Variants in FAAH2 observed in about 807,000 individuals in gnomAD.
FAAH2 encodes fatty-acid amide hydrolase 2.
FAAH2 carries 60 observed loss-of-function variants against 36.9 expected under a neutral mutation model. The observed-to-expected ratio is 1.63, with a 90% CI of 1.32 to 2.02. The LOEUF (loss-of-function observed/expected upper bound fraction) is 2.02, where lower values mean the gene tolerates loss of function less well. Ranked by LOEUF, FAAH2 falls within the 30% of genes most tolerant of loss-of-function variation. The pLI, the probability that FAAH2 is intolerant of heterozygous loss-of-function variation, is 0.00. For missense variants in FAAH2, 689 were observed against 397.5 expected (o/e 1.73, Z -6.23); for synonymous variants, 214 against 143.8 (o/e 1.49, Z -3.49).
the FAAH2 span, among the ~76,000 whole-genome samples, chrX:57,182,594 G>T: frequency 9.0e-6 from 1 of 111,336 alleles, no homozygotes; most frequent in African/African-American, 3.3e-5. Context: ...TCCCTCTGTT[G>T]GTGGGAGTGC....
chrX:57,435,466 AATAC>A (rs1287917053), intron 8 of FAAH2, among the ~76,000 whole-genome samples: 7 of 110,994 alleles, frequency 6.3e-5, no homozygotes, highest in Non-Finnish European at 1.1e-4. Context: ...CTTCTCTGTA[AATAC>A]ATACATAGAC....
upstream of FAAH2, among the ~76,000 whole-genome samples, chrX:57,284,067 C>T (rs1474586722): frequency 8.9e-6 from 1 of 111,760 alleles, no homozygotes; most frequent in Non-Finnish European, 1.9e-5. Flanking sequence ...AGAACATGAG[C>T]GTGGAAAAAC....
At chrX:57,476,938 G>A (rs1185609960) in intron 10 of FAAH2, among the ~76,000 whole-genome samples, 1 of 110,534 alleles carries the variant, frequency 9.0e-6, no homozygotes, top group Non-Finnish European at 1.9e-5. Flanking sequence ...GAGGGTGTAT[G>A]TGTCCAGGAA....
At chrX:57,333,172 A>G (rs2053453052) in intron 4 of FAAH2, among the ~76,000 whole-genome samples, 1 of 111,972 alleles carries the variant, frequency 8.9e-6, no homozygotes, top group Admixed American at 9.5e-5. Context: ...TTATTTAAGA[A>G]GTCTCTAGGG....
the FAAH2 span, among the ~76,000 whole-genome samples, chrX:57,224,772 C>T: frequency 8.9e-6 from 1 of 112,321 alleles, no homozygotes; most frequent in East Asian, 2.8e-4. Context: ...CCGCCTGCAC[C>T]CAGGCACTGA....
At chrX:57,462,768 T>A (rs1384920268) in intron 10 of FAAH2, among the ~76,000 whole-genome samples, 1 of 112,531 alleles carries the variant, frequency 8.9e-6, no homozygotes, top group African/African-American at 3.2e-5. Context: ...ATGCCGTCTC[T>A]CACCATTCCT....
At chrX:57,314,461 A>G (rs2052780531) in intron 3 of FAAH2, among the ~76,000 whole-genome samples, 1 of 111,667 alleles carries the variant, frequency 9.0e-6, no homozygotes, top group Non-Finnish European at 1.9e-5. Context: ...TACATGGAGC[A>G]TACTCTACAC....
chrX:57,306,492 C>A (rs1034229844), intron 2 of FAAH2, among the ~76,000 whole-genome samples: 5 of 109,696 alleles, frequency 4.6e-5, no homozygotes, highest in African/African-American at 1.7e-4. Context: ...AACAACTAGA[C>A]CCTGGGAAGT....
chrX:57,149,366 G>T, the FAAH2 span, among the ~76,000 whole-genome samples: 1 of 111,520 alleles, frequency 9.0e-6, no homozygotes, highest in Non-Finnish European at 1.9e-5. Flanking sequence ...GGTAGAATTC[G>T]GCTGTGAATC....
At chrX:57,176,671 AT>A in the FAAH2 span, among the ~76,000 whole-genome samples, 1 of 111,417 alleles carries the variant, frequency 9.0e-6, no homozygotes, top group African/African-American at 3.3e-5. Flanking sequence ...TGTCAGAATT[AT>A]TTTTTTGGTT....
chrX:57,247,819 T>C, the FAAH2 span, among the ~76,000 whole-genome samples: 1 of 112,335 alleles, frequency 8.9e-6, no homozygotes, highest in Non-Finnish European at 1.9e-5. Context: ...TCTAGTTAAG[T>C]GGTCATAGGC....
At chrX:57,187,934 C>T in the FAAH2 span, among the ~76,000 whole-genome samples, 1 of 111,616 alleles carries the variant, frequency 9.0e-6, no homozygotes, top group South Asian at 3.8e-4. Flanking sequence ...GGTGGATAAG[C>T]TTTTTGATGT....
chrX:57,312,019 C>T (rs1049026468), intron 3 of FAAH2, among the ~76,000 whole-genome samples: 1 of 112,319 alleles, frequency 8.9e-6, no homozygotes, highest in Non-Finnish European at 1.9e-5. Context: ...CCTCCCTCCA[C>T]AGGGTGGGTC....
the FAAH2 span, among the ~76,000 whole-genome samples, chrX:57,232,448 G>A: frequency 8.9e-6 from 1 of 112,069 alleles, no homozygotes; most frequent in Non-Finnish European, 1.9e-5. Context: ...AACAAAACAT[G>A]CCAAATGTCA....
At chrX:57,231,203 G>T in the FAAH2 span, among the ~76,000 whole-genome samples, 1 of 110,154 alleles carries the variant, frequency 9.1e-6, no homozygotes, top group African/African-American at 3.3e-5. Flanking sequence ...GCTTCCGTTT[G>T]GTTCAATTCA....
intron 7 of FAAH2, among the ~76,000 whole-genome samples, chrX:57,381,374 A>G (rs1310747235): frequency 8.9e-6 from 1 of 111,734 alleles, no homozygotes; most frequent in African/African-American, 3.2e-5. Flanking sequence ...TATATATGCA[A>G]TCATTTTAGC....
intron 2 of FAAH2, among the ~76,000 whole-genome samples, chrX:57,295,124 A>G (rs989584652): frequency 1.3e-4 from 15 of 111,554 alleles, no homozygotes; most frequent in Non-Finnish European, 3.8e-5. Flanking sequence ...TGCTGCTTCT[A>G]CCTCAGAAAC....
intron 10 of FAAH2, chrX:57,452,384 C>T: frequency 9.6e-6 from 7 of 725,582 alleles, no homozygotes; most frequent in Non-Finnish European, 8.2e-6. Context: ...CAATTGATCA[C>T]AGCATTCTTT....
At chrX:57,398,297 G>T (rs1329651713) in intron 7 of FAAH2, among the ~76,000 whole-genome samples, 7 of 111,932 alleles carry the variant, frequency 6.3e-5, no homozygotes, top group Non-Finnish European at 9.4e-5. Context: ...TTTTCACATT[G>T]AACTTGGATA....
Sources: gnomAD v4.1 joint callset for allele counts (sites outside exome capture counted in the v4.1 genomes callset) on GRCh38, gnomAD v4.1.1 for gene constraint, MANE v1.5 for transcripts, NCBI Gene and HGNC (gene_info 2026-07-23, HGNC 2026-07-21) for gene names.